The following ANKRD30B variants were observed in gnomAD, a reference collection of about 807,000 sequenced individuals.
The protein encoded by ANKRD30B is ankyrin repeat domain-containing protein 30B.
In ANKRD30B, 144 loss-of-function variants were observed where a neutral mutation model predicts 202.2. The ratio of observed to expected loss-of-function variants is 0.71; its 90% CI spans 0.62 to 0.82. The LOEUF is 0.82. Ranked by LOEUF, ANKRD30B falls within the 40% of genes least tolerant of loss-of-function variation. The probability of loss-of-function intolerance (pLI) is 0.00; values close to 1 mark genes in which losing one functional copy is unlikely to be tolerated. For missense variants in ANKRD30B, 1,487 were observed against 1,669.1 expected (o/e 0.89, Z 1.90); for synonymous variants, 508 against 561.3 (o/e 0.91, Z 1.34).
intron 18 of ANKRD30B, among the ~76,000 whole-genome samples, chr18:14,797,160 T>G (rs1178026549): frequency 1.3e-5 from 2 of 152,122 alleles, no homozygotes; most frequent in Non-Finnish European, 2.9e-5. Flanking sequence ...AGAAGAGCCG[T>G]GGCAAGATGA....
At chr18:14,791,079 C>G (rs148997717) in intron 15 of ANKRD30B, among the ~76,000 whole-genome samples, 4,631 of 152,074 alleles carry the variant, frequency 0.03, 256 homozygotes, top group African/African-American at 0.11. Context: ...TCCTGTTATT[C>G]GTCTATTCAG....
At chr18:14,760,704 A>G in intron 6 of ANKRD30B, 86 bp downstream of exon 6, 2 of 893,410 alleles carry the variant, frequency 2.2e-6, no homozygotes, top group Non-Finnish European at 3.5e-6. Context: ...TTCAAAAAGC[A>G]ATGTGCAAAT....
rs1201037301 is a variant in ANKRD30B, at chr18:14,850,348, T to C, written c.3530T>C (p.Ile1177Thr). 1.3e-6 allele frequency: 2 copies of C among 1,571,102 alleles called. No individual in the cohort carries two copies. Among genetic ancestry groups the C allele is most frequent in the South Asian group, 2.4e-5 (2 of 83,094 alleles). ...GAACAGACTCTCAGAATACAAGATA[T>C]AGAATTGAAAAGTGTAACAAGTAAT... ...QLEQTLRIQD[I>T]ELKSVTSNLN... Residue 1177 changes from isoleucine (I) to threonine (T), a missense_variant, in exon 41 of 44, where the codon ATA (isoleucine) becomes ACA (threonine). Coordinates refer to ENST00000690538, the MANE Select transcript of ANKRD30B (RefSeq NM_001367607.2).
the ANKRD30B span, among the ~76,000 whole-genome samples, chr18:14,904,919 T>A: frequency 6.6e-6 from 1 of 152,134 alleles, no homozygotes; most frequent in Non-Finnish European, 1.5e-5. Context: ...AGGTTAGGCA[T>A]TCTTAAACTC....
At position 14,748,353 on chromosome 18, in the gene ANKRD30B, G is replaced by A. The variant is rs1912803232; in HGVS notation, c.-67G>A. On this transcript the variant is annotated 5_prime_UTR_variant, in exon 1 of 44. Coordinates refer to ENST00000690538, the MANE Select transcript of ANKRD30B (RefSeq NM_001367607.2). ...GGGGAAGGGTAAGCGGGAAGCGAGG[G>A]CGAGGGGTAGGGGCTGGGGAAGGGC... 5 of 1,320,732 alleles carry A rather than the reference G, an allele frequency of 3.8e-6. No individual in the cohort carries two copies. Among genetic ancestry groups the A allele is most frequent in the Non-Finnish European group, 5.0e-6 (5 of 1,002,836 alleles). 81.8% of individuals were successfully genotyped at this position (1,320,732 alleles called of 1,614,324 possible).
chr18:14,766,154 A>C (rs1483094835), intron 7 of ANKRD30B, among the ~76,000 whole-genome samples: 1 of 152,092 alleles, frequency 6.6e-6, no homozygotes, highest in East Asian at 1.9e-4. Context: ...GTGCATGAGC[A>C]TTTACAATGC....
At chr18:14,932,969 C>A in the ANKRD30B span, among the ~76,000 whole-genome samples, 1 of 152,224 alleles carries the variant, frequency 6.6e-6, no homozygotes, top group Non-Finnish European at 1.5e-5. Context: ...AATATATCTT[C>A]ATTTTAAGTA....
At chr18:14,826,822 GC>G (rs774917783) in intron 32 of ANKRD30B, among the ~76,000 whole-genome samples, 10 of 151,552 alleles carry the variant, frequency 6.6e-5, no homozygotes, top group African/African-American at 2.4e-4. Flanking sequence ...ATACATCCAT[GC>G]TTTTTTTCTT....
At chr18:14,872,167 A>G in the ANKRD30B span, among the ~76,000 whole-genome samples, 1 of 152,210 alleles carries the variant, frequency 6.6e-6, no homozygotes, top group African/African-American at 2.4e-5. Flanking sequence ...TATTCTGACC[A>G]TCTCTCAGCC....
chr18:14,815,302 T>G (rs1379726777), intron 30 of ANKRD30B, among the ~76,000 whole-genome samples: 1 of 140,564 alleles, frequency 7.1e-6, no homozygotes, highest in Non-Finnish European at 1.5e-5. Flanking sequence ...TGTATATAAT[T>G]TGTCATATAC....
At chr18:14,912,185 T>C in the ANKRD30B span, among the ~76,000 whole-genome samples, 3 of 152,220 alleles carry the variant, frequency 2.0e-5, no homozygotes, top group Admixed American at 6.5e-5. Flanking sequence ...TGGGCATCCT[T>C]GTTTTGCTTC....
the ANKRD30B span, among the ~76,000 whole-genome samples, chr18:14,922,385 G>A: frequency 1.3e-5 from 2 of 152,138 alleles, no homozygotes; most frequent in Non-Finnish European, 2.9e-5. Flanking sequence ...GCTGGGCGTG[G>A]TGGCTCATGC....
At chr18:14,789,677 G>A (rs144142509) in intron 15 of ANKRD30B, among the ~76,000 whole-genome samples, 3 of 152,038 alleles carry the variant, frequency 2.0e-5, no homozygotes, top group African/African-American at 7.2e-5. Context: ...TTTTTCTCAG[G>A]TTTGTCAAAG....
intron 24 of ANKRD30B, among the ~76,000 whole-genome samples, chr18:14,805,210 A>G (rs1969433333): frequency 6.6e-6 from 1 of 151,018 alleles, no homozygotes; most frequent in Non-Finnish European, 1.5e-5. Flanking sequence ...GAATAACATG[A>G]TATACCAAAC....
intron 5 of ANKRD30B, among the ~76,000 whole-genome samples, chr18:14,758,441 T>C (rs1280785788): frequency 1.3e-5 from 2 of 152,218 alleles, no homozygotes; most frequent in Non-Finnish European, 2.9e-5. Context: ...CCATTGAAAC[T>C]GCCCCTGCAG....
intron 23 of ANKRD30B, among the ~76,000 whole-genome samples, chr18:14,803,422 CA>C (rs1460203899): frequency 7.9e-6 from 1 of 127,266 alleles, no homozygotes; most frequent in Non-Finnish European, 1.6e-5. Flanking sequence ...GACTACAACA[CA>C]AGTTAGATAT....
Position 14,851,613 on chromosome 18 carries a change from A to C in ANKRD30B, c.3669A>C (p.Gln1223His), listed in dbSNP as rs750878493. The stretch of plus-strand genomic sequence containing the variant: ...TGGAAGTAGCCACACTGAAACATCA[A>C]CACCAGGTGAAGGAAAATAAATACT... The part of the protein sequence containing the change: ...LKLEVATLKH[Q>H]HQVKENKYFE... The change falls in exon 42 of 44, where the codon CAA becomes CAC. Residue 1223 changes from glutamine to histidine, a missense_variant. Gln to His is a conservative substitution (Grantham distance 24). Around this residue, in one of 6 missense-constraint regions of ANKRD30B, gnomAD observed 177 missense variants for 216.4 expected, o/e 0.82. Coordinates refer to ENST00000690538, the MANE Select transcript of ANKRD30B (RefSeq NM_001367607.2). 3.7e-6 allele frequency: 6 copies of C among 1,611,610 alleles called. No individual in the cohort carries two copies. Among genetic ancestry groups the C allele is most frequent in the African/African-American group, 1.3e-5 (1 of 74,676 alleles).
chr18:14,793,055 G>A (rs71364862), intron 16 of ANKRD30B, among the ~76,000 whole-genome samples: 5 of 152,102 alleles, frequency 3.3e-5, no homozygotes, highest in Non-Finnish European at 4.4e-5. Flanking sequence ...GGCTAATTAA[G>A]TTTGCTGTTC....
chr18:14,819,756 G>T (rs896892020), intron 30 of ANKRD30B, among the ~76,000 whole-genome samples: 1 of 152,072 alleles, frequency 6.6e-6, no homozygotes, highest in South Asian at 2.1e-4. Context: ...TGCTGTTTTG[G>T]TTACTGTAGC....
Sources: gnomAD v4.1 joint callset for allele counts (sites outside exome capture counted in the v4.1 genomes callset) on GRCh38, gnomAD v4.1.1 for gene constraint, gnomAD v4.1.1 regional missense constraint, MANE v1.5 for transcripts, NCBI Gene and HGNC (gene_info 2026-07-23, HGNC 2026-07-21) for gene names.